ADAMTS20: variants seen among roughly 807,000 people sequenced by gnomAD.
The protein encoded by ADAMTS20 is A disintegrin and metalloproteinase with thrombospondin motifs 20.
In ADAMTS20, 225 loss-of-function variants were observed where a neutral mutation model predicts 260.1. The observed-to-expected ratio is 0.87, with a 90% CI of 0.78 to 0.97. The LOEUF is 0.97. ADAMTS20 is among the 50% of genes least tolerant of loss of function. The pLI is 0.00. For synonymous variants in ADAMTS20, 802 were observed against 769.5 expected (o/e 1.04, Z -0.70); for missense variants, 2,400 against 2,337.7 (o/e 1.03, Z -0.55).
chr12:43,474,934 C>T (rs1390621402), intron 7 of ADAMTS20, among the ~76,000 whole-genome samples: 1 of 76,072 alleles, frequency 1.3e-5, no homozygotes, highest in African/African-American at 4.8e-5. Context: ...TGGCACAAGA[C>T]AGGGATGCCC....
rs187938419 is a variant in ADAMTS20 at position 43,451,320 on chromosome 12, C to G, written c.2079+954G>C. Among the ~76,000 whole-genome samples, 53 of 152,244 alleles carry G rather than the reference C, an allele frequency of 3.5e-4. 1 individual carries two copies. Among genetic ancestry groups the G allele is most frequent in the African/African-American group, 1.2e-3 (49 of 41,544 alleles). On this transcript the variant is annotated intron_variant, in intron 14 of 38. Coordinates refer to ENST00000389420, the MANE Select transcript of ADAMTS20 (RefSeq NM_025003.5). ...CCATCCATTCTCAAGACTGCCATTG[C>G]AATGTTTGTGCTTTAACTCAGCATC... is the stretch of plus-strand genomic sequence containing the variant.
chr12:43,461,510 A>G (rs776110117), intron 11 of ADAMTS20, among the ~76,000 whole-genome samples: 3 of 152,212 alleles, frequency 2.0e-5, no homozygotes, highest in Non-Finnish European at 2.9e-5. Flanking sequence ...ATTTGTAAAT[A>G]TATCAATCAC....
At chr12:43,438,036 T>C in intron 18 of ADAMTS20, among the ~76,000 whole-genome samples, 1 of 152,056 alleles carries the variant, frequency 6.6e-6, no homozygotes, top group Non-Finnish European at 1.5e-5. Context: ...AGAGGGAATT[T>C]AACTTTAACT....
chr12:43,397,761 G>A (rs1369890209), intron 29 of ADAMTS20, among the ~76,000 whole-genome samples: 8 of 151,980 alleles, frequency 5.3e-5, no homozygotes, highest in Non-Finnish European at 1.2e-4. Context: ...ATCTTTTTTT[G>A]TGGGATAAAA....
At chr12:43,370,931 G>A (rs759970909) in intron 36 of ADAMTS20, among the ~76,000 whole-genome samples, 16 of 151,906 alleles carry the variant, frequency 1.1e-4, no homozygotes, top group Non-Finnish European at 2.4e-4. Flanking sequence ...TGTTACATTC[G>A]CTTCCTAATC....
At chr12:43,461,737 C>T (rs931720804) in intron 11 of ADAMTS20, among the ~76,000 whole-genome samples, 4 of 152,016 alleles carry the variant, frequency 2.6e-5, no homozygotes, top group Non-Finnish European at 4.4e-5. Context: ...CAAATACCAC[C>T]TCTTACTCAA....
At chr12:43,398,069 T>A (rs1940739868) in intron 29 of ADAMTS20, among the ~76,000 whole-genome samples, 1 of 152,164 alleles carries the variant, frequency 6.6e-6, no homozygotes, top group Non-Finnish European at 1.5e-5. Flanking sequence ...ATAAGGAAGT[T>A]CCAACATCAG....
intron 4 of ADAMTS20, among the ~76,000 whole-genome samples, chr12:43,499,313 A>G (rs1156605733): frequency 6.6e-6 from 1 of 152,172 alleles, no homozygotes; most frequent in Non-Finnish European, 1.5e-5. Context: ...CCAGAAAATG[A>G]TAAGCACATG....
At chr12:43,409,557 C>CCG (rs1199878026) in intron 28 of ADAMTS20, among the ~76,000 whole-genome samples, 5 of 131,806 alleles carry the variant, frequency 3.8e-5, no homozygotes, top group African/African-American at 1.5e-4. Flanking sequence ...AGCCGAGATC[C>CCG]CGCCACTGCA....
chr12:43,512,622 C>T (rs930303499), intron 3 of ADAMTS20, among the ~76,000 whole-genome samples: 4 of 151,850 alleles, frequency 2.6e-5, no homozygotes, highest in Admixed American at 6.6e-5. Context: ...TAATTGGGGC[C>T]CCAACTACTA....
rs1941632245 is a variant in ADAMTS20 at position 43,440,022 on chromosome 12, G to C, written c.2338C>G (p.Leu780Val). ...GNFLFNGNFLLSTSKKEINVQ... is the reference protein window; with the variant it reads ...GNFLFNGNFLVSTSKKEINVQ... Reference sequence around the variant, plus strand: ...TTGATTTCTTTTTTTGACGTACTTAGAAGAAAATTTCCATTGAAAAGAAAA... The same window carrying C: ...TTGATTTCTTTTTTTGACGTACTTACAAGAAAATTTCCATTGAAAAGAAAA... Residue 780 changes from leucine (L) to valine (V), a missense_variant, in exon 17 of 39, where the codon CTA becomes GTA. Transcript: ENST00000389420. 6.4e-7 allele frequency: 1 copy of C among 1,567,854 alleles called. No homozygotes were observed. Among genetic ancestry groups the C allele is most frequent in the Non-Finnish European group, 8.7e-7 (1 of 1,155,050 alleles).
At chr12:43,443,648 A>G in intron 16 of ADAMTS20, 143 bp downstream of exon 16, 1 of 578,192 alleles carries the variant, frequency 1.7e-6, no homozygotes, top group South Asian at 2.7e-5. Flanking sequence ...GAACATATGT[A>G]TAGGGAGCGC....
At chr12:43,520,120 CT>C (rs567984035) in intron 3 of ADAMTS20, among the ~76,000 whole-genome samples, 203 of 152,144 alleles carry the variant, frequency 1.3e-3, no homozygotes, top group African/African-American at 4.7e-3. Context: ...ACAAAAAAGG[CT>C]TCTTTTGGAG....
intron 16 of ADAMTS20, among the ~76,000 whole-genome samples, chr12:43,442,557 C>T (rs1175822935): frequency 1.3e-5 from 2 of 152,096 alleles, no homozygotes; most frequent in Non-Finnish European, 2.9e-5. Flanking sequence ...CATGCACAGC[C>T]AACATTTCTA....
intron 7 of ADAMTS20, among the ~76,000 whole-genome samples, chr12:43,483,422 G>A (rs947985263): frequency 2.0e-5 from 3 of 152,122 alleles, no homozygotes; most frequent in African/African-American, 7.2e-5. Flanking sequence ...TCAAGAGTCA[G>A]GCAGCCCTGG....
At chr12:43,510,889 T>C (rs1168062498) in intron 3 of ADAMTS20, among the ~76,000 whole-genome samples, 1 of 152,136 alleles carries the variant, frequency 6.6e-6, no homozygotes, top group East Asian at 1.9e-4. Flanking sequence ...ATAATTCTAC[T>C]TGGATGTCCT....
intron 36 of ADAMTS20, 43 bp from the exon 37 acceptor site, chr12:43,369,424 T>C: frequency 8.5e-7 from 1 of 1,171,632 alleles, no homozygotes; most frequent in Non-Finnish European, 1.1e-6. Flanking sequence ...GAGACAATAA[T>C]GCAATCGTTG....
At chr12:43,519,426 A>T (rs766081814) in intron 3 of ADAMTS20, among the ~76,000 whole-genome samples, 1 of 152,126 alleles carries the variant, frequency 6.6e-6, no homozygotes, top group Non-Finnish European at 1.5e-5. Flanking sequence ...ACAGTGAGGA[A>T]GGTATTCAGT....
intron 4 of ADAMTS20, among the ~76,000 whole-genome samples, chr12:43,498,993 T>C (rs1942716325): frequency 6.6e-6 from 1 of 152,182 alleles, no homozygotes; most frequent in Non-Finnish European, 1.5e-5. Context: ...AATTTTCCTA[T>C]GTCCTCACTT....
Sources: gnomAD v4.1 joint callset for allele counts (sites outside exome capture counted in the v4.1 genomes callset) on GRCh38, gnomAD v4.1.1 for gene constraint, MANE v1.5 for transcripts, NCBI Gene and HGNC (gene_info 2026-07-23, HGNC 2026-07-21) for gene names.